CUL5: variants seen among roughly 807,000 people sequenced by gnomAD.
CUL5 encodes cullin-5.
CUL5 carries 26 observed loss-of-function variants against 108.8 expected under a neutral mutation model. That is an observed-to-expected ratio of 0.24 (90% confidence interval 0.18 to 0.33). The LOEUF (loss-of-function observed/expected upper bound fraction) is 0.33, where lower values mean the gene tolerates loss of function less well. Among genes scored for constraint, CUL5 ranks in the 10% least tolerant of loss-of-function variants. The pLI is 1.00. For missense variants in CUL5, 524 were observed against 909.2 expected, an observed-to-expected ratio of 0.58 and a Z score of 5.45; for synonymous variants, 334 against 298.0, an observed-to-expected ratio of 1.12 and a Z score of -1.25.
At chr11:108,031,702 ATAAAG>A (rs1862587311) in intron 1 of CUL5, among the ~76,000 whole-genome samples, 1 of 152,212 alleles carries the variant, frequency 6.6e-6, no homozygotes, top group South Asian at 2.1e-4. Flanking sequence ...GTGCTGTCGT[ATAAAG>A]ACACATGCAC....
intron 10 of CUL5, among the ~76,000 whole-genome samples, chr11:108,077,612 C>CAA (rs34637571): frequency 0.71 from 106,434 of 149,182 alleles, 39,070 homozygotes; most frequent in East Asian, 0.93. Flanking sequence ...GCCTGGGCAA[C>CAA]GAGTGAAACT....
intron 18 of CUL5, among the ~76,000 whole-genome samples, chr11:108,100,600 A>G (rs1864635185): frequency 6.6e-6 from 1 of 152,188 alleles, no homozygotes; most frequent in African/African-American, 2.4e-5. Flanking sequence ...AGAAGAATTT[A>G]TACAATAAAG....
Position 108,082,374 on chromosome 11 carries a change from G to A in CUL5, c.1178+4134G>A, listed in dbSNP as rs535554844. ...TGGCTCACTGCAGTGTTGCCCTCCT[G>A]AGCTCGAGTAATCCTCCCACCTCAG... On this transcript the variant is annotated intron_variant, in intron 11 of 18. Transcript: ENST00000393094. Among the ~76,000 whole-genome samples the A allele has an allele frequency of 4.6e-5, 7 of 151,398 alleles. No individual in the cohort carries two copies. The South Asian group carries it at 1.3e-3, about 27-fold the overall frequency.
chr11:108,069,861 TTTG>T (rs780070376), intron 7 of CUL5, among the ~76,000 whole-genome samples: 2 of 152,208 alleles, frequency 1.3e-5, no homozygotes, highest in Non-Finnish European at 2.9e-5. Flanking sequence ...CTTGAGGACT[TTTG>T]TTAAAATTTC....
chr11:108,027,974 A>C (rs1862492003), intron 1 of CUL5, among the ~76,000 whole-genome samples: 1 of 151,258 alleles, frequency 6.6e-6, no homozygotes, highest in South Asian at 2.1e-4. Flanking sequence ...GCTAGTTCTT[A>C]CTCCTCTCTC....
At chr11:108,055,612 T>C (rs1365594897) in intron 7 of CUL5, among the ~76,000 whole-genome samples, 2 of 145,918 alleles carry the variant, frequency 1.4e-5, no homozygotes, top group African/African-American at 5.5e-5. Flanking sequence ...GCCTGACTAA[T>C]AAATATATAT....
Position 108,106,834 on chromosome 11 carries a change from T to G in CUL5, c.*2450T>G, listed in dbSNP as rs200968633. 2 of 56,544 alleles carry G rather than the reference T, an allele frequency of 3.5e-5. No homozygotes were observed. The allele number at this position is 56,544 out of a possible 1,614,324, so 3.5% of individuals were successfully genotyped here. A position where few individuals can be genotyped will look rare whatever the true frequency, so the allele number is the denominator to read the frequency against. Reference sequence around the variant, plus strand: ...GTGAAAAGAAAATCCAGCCTCCCCCTCCAAAAAAAAAAAAAAAATTTAATT... The same window carrying G: ...GTGAAAAGAAAATCCAGCCTCCCCCGCCAAAAAAAAAAAAAAAATTTAATT... On this transcript the variant is annotated 3_prime_UTR_variant, in exon 19 of 19. Transcript: ENST00000393094.
At chr11:108,019,508 A>G (rs1308191101) in intron 1 of CUL5, among the ~76,000 whole-genome samples, 4 of 152,178 alleles carry the variant, frequency 2.6e-5, no homozygotes, top group African/African-American at 9.7e-5. Flanking sequence ...CGGATCACAT[A>G]TATAATGGTG....
At chr11:108,040,594 A>G (rs1862873133) in intron 2 of CUL5, among the ~76,000 whole-genome samples, 1 of 130,444 alleles carries the variant, frequency 7.7e-6, no homozygotes, top group Non-Finnish European at 1.6e-5. Context: ...CCTGGCTGAC[A>G]GAGTGAGACT....
rs182821626 is a variant in CUL5, at chr11:108,084,218, T to G, written c.1179-4309T>G. ...TGCTGAGAACAACTAGAAAATCAGG[T>G]AAATGTAAAAAATAGTAATTTCATG... On this transcript the variant is annotated intron_variant, in intron 11 of 18. Transcript: ENST00000393094. Among the ~76,000 whole-genome samples the G allele has an allele frequency of 1.6e-3, 243 of 152,268 alleles. 2 individuals are homozygous for G. The highest frequency in any genetic ancestry group is 5.6e-3 in the African/African-American group (232 of 41,566).
chr11:108,098,527 C>A lies in CUL5; in HGVS notation c.2146C>A (p.Gln716Lys). The A allele has an allele frequency of 6.5e-7, 1 of 1,535,758 alleles. No individual in the cohort carries two copies. Among genetic ancestry groups the A allele is most frequent in the Non-Finnish European group, 8.7e-7 (1 of 1,144,962 alleles). ...GIVQLRILRT[Q>K]EAIIQIMKMR... ...AGTTCAACTACGAATACTAAGAACC[C>A]AGGTTTGTAATGTTGACAGAATGTC... The change falls in exon 18 of 19, where the codon CAG (glutamine) becomes AAG (lysine). Residue 716 changes from glutamine to lysine, a missense_variant and splice_region_variant. By Grantham distance (53) the Gln-to-Lys change is moderately conservative. Around this residue, in one of 8 missense-constraint regions of CUL5, gnomAD observed 66 missense variants for 81.4 expected, o/e 0.81. Transcript: ENST00000393094.
At chr11:108,024,373 T>C (rs1156260958) in intron 1 of CUL5, among the ~76,000 whole-genome samples, 1 of 152,170 alleles carries the variant, frequency 6.6e-6, no homozygotes, top group Non-Finnish European at 1.5e-5. Flanking sequence ...CAGTGAGCTA[T>C]GATTATGCCA....
chr11:108,021,245 A>G (rs1862320027), intron 1 of CUL5, among the ~76,000 whole-genome samples: 2 of 152,208 alleles, frequency 1.3e-5, no homozygotes, highest in Admixed American at 6.5e-5. Flanking sequence ...CACAATCAGT[A>G]TGGCGGGAAC....
At chr11:108,010,175 A>T (rs1203602226) in intron 1 of CUL5, among the ~76,000 whole-genome samples, 2 of 152,252 alleles carry the variant, frequency 1.3e-5, no homozygotes, top group Non-Finnish European at 2.9e-5. Flanking sequence ...ATGTGTCTGT[A>T]GTAGTTAATC....
At chr11:108,011,261 T>C (rs1565480327) in intron 1 of CUL5, among the ~76,000 whole-genome samples, 1 of 152,228 alleles carries the variant, frequency 6.6e-6, no homozygotes, top group Non-Finnish European at 1.5e-5. Flanking sequence ...TACTTTGGTC[T>C]ATATTAGTTA....
At chr11:108,062,864 G>A (rs1169967689) in intron 7 of CUL5, among the ~76,000 whole-genome samples, 1 of 151,914 alleles carries the variant, frequency 6.6e-6, no homozygotes, top group South Asian at 2.1e-4. Flanking sequence ...GTTTTGAGAC[G>A]GAGTTTTGCT....
At position 108,025,775 on chromosome 11, in the gene CUL5, TC is replaced by T. The variant is rs1862437397; in HGVS notation, c.25-8024del. ...GACCTTCTGTATAGATACCCAGAGCTCCCTTGATGCCACAAATTCTAGTCAC... is the reference window on the plus strand; with the variant it reads ...GACCTTCTGTATAGATACCCAGAGCTCCTTGATGCCACAAATTCTAGTCAC... On this transcript the variant is annotated intron_variant, in intron 1 of 18. Coordinates refer to ENST00000393094, the MANE Select transcript of CUL5 (RefSeq NM_003478.6). Among the ~76,000 whole-genome samples, 3 of 152,236 alleles carry T rather than the reference TC, an allele frequency of 2.0e-5. No individual in the cohort carries two copies. The South Asian group carries it at 6.2e-4, about 32-fold the overall frequency.
chr11:108,058,835 A>G (rs1474257873), intron 7 of CUL5, among the ~76,000 whole-genome samples: 7 of 152,172 alleles, frequency 4.6e-5, no homozygotes, highest in South Asian at 2.1e-4. Flanking sequence ...CAATTCTAAT[A>G]AGCTTGATTA....
rs34312194 is a variant in CUL5 at position 108,012,523 on chromosome 11, C to CT, written c.24+3168dup. On this transcript the variant is annotated intron_variant, in intron 1 of 18. Transcript: ENST00000393094. ...GGACTTGGTGGTATGTCCCCTCTTA[C>CT]TTTTTTTTTTTTTTTTTCAGTTTCC... 9.0e-3 allele frequency among the ~76,000 whole-genome samples: 1,207 copies of CT among 134,060 alleles called. 14 individuals are homozygous for CT. Among genetic ancestry groups the CT allele is most frequent in the African/African-American group, 0.029 (1,004 of 34,842 alleles). The allele number at this position is 134,060 out of a possible 152,430, so 87.9% of individuals were successfully genotyped here.
Sources: allele counts gnomAD v4.1 joint callset (sites outside exome capture counted in the v4.1 genomes callset), GRCh38; gene constraint gnomAD v4.1.1; regional missense constraint gnomAD v4.1.1; transcripts MANE v1.5; gene names NCBI Gene and HGNC (gene_info 2026-07-23, HGNC 2026-07-21).